RCAN2: variants seen among roughly 807,000 people sequenced by gnomAD.
RCAN2 encodes the protein regulator of calcineurin 2.
A neutral mutation model predicts 23.6 loss-of-function variants in RCAN2; 9 were observed. That is an observed-to-expected ratio of 0.38 (90% CI 0.23 to 0.67). RCAN2 has a LOEUF of 0.67. Ranked by LOEUF, RCAN2 falls within the 30% of genes least tolerant of loss-of-function variation. RCAN2 has a pLI of 0.51. For missense variants in RCAN2, 273 were observed against 302.3 expected (o/e 0.90, Z 0.72); for synonymous variants, 109 against 115.7 (o/e 0.94, Z 0.37).
chr6:46,491,008 C>T (rs1232248946), intron 1 of RCAN2, among the ~76,000 whole-genome samples, 165 bp downstream of exon 1: 1 of 119,268 alleles, frequency 8.4e-6, no homozygotes, highest in Admixed American at 8.0e-5. Context: ...ACTGCCCCCA[C>T]CCCCGCCACC....
At chr6:46,288,658 C>T (rs946626912) in intron 2 of RCAN2, among the ~76,000 whole-genome samples, 16 of 152,248 alleles carry the variant, frequency 1.1e-4, no homozygotes, top group African/African-American at 2.9e-4. Context: ...ATCCTGATCC[C>T]GTTATTTATT....
Position 46,296,329 on chromosome 6 carries a change from A to G in RCAN2, c.226-47433T>C, listed in dbSNP as rs938639505. ...GAGGGTCATTCACTAGATTATAAAG[A>G]CTTCACCAATGCAATGTCCTTTGAG... On this transcript the variant is annotated intron_variant, in intron 2 of 4. Coordinates refer to ENST00000371374, the MANE Select transcript of RCAN2 (RefSeq NM_001251974.2). Among the ~76,000 whole-genome samples, 3 of 151,418 alleles carry G rather than the reference A, an allele frequency of 2.0e-5. No homozygotes were observed. In the East Asian group the frequency reaches 5.8e-4, roughly 29 times the overall value.
In RCAN2 at chr6:46,470,986, T is replaced by C. The variant is rs1197766496; in HGVS notation, c.-2-14008A>G. On this transcript the variant is annotated intron_variant, in intron 1 of 4. Transcript: ENST00000371374. ...CCTTCAGAGTATTTATACCCACCTATCAAAACCTGTGTAGTGTGGCTCTGG... is the reference window on the plus strand; with the variant it reads ...CCTTCAGAGTATTTATACCCACCTACCAAAACCTGTGTAGTGTGGCTCTGG... 1.3e-5 allele frequency among the ~76,000 whole-genome samples: 2 copies of C among 152,194 alleles called. 1 individual carries two copies. Among genetic ancestry groups the C allele is most frequent in the African/African-American group, 4.8e-5 (2 of 41,450 alleles).
chr6:46,462,312 T>A (rs1339688357), intron 1 of RCAN2, among the ~76,000 whole-genome samples: 3 of 152,138 alleles, frequency 2.0e-5, no homozygotes, highest in Admixed American at 6.5e-5. Context: ...AACAACAAGA[T>A]GACAGTTTAT....
At chr6:46,347,836 C>T (rs9296492) in intron 2 of RCAN2, among the ~76,000 whole-genome samples, 64,173 of 152,106 alleles carry the variant, frequency 0.42, 14,979 homozygotes, top group East Asian at 0.6. Flanking sequence ...AAAGATTATT[C>T]TCACATCCGG....
chr6:46,465,133 A>G (rs1274462701), intron 1 of RCAN2, among the ~76,000 whole-genome samples: 1 of 152,196 alleles, frequency 6.6e-6, no homozygotes, highest in African/African-American at 2.4e-5. Flanking sequence ...TAATATCATC[A>G]TCAAGAAAAT....
At chr6:46,237,792 C>T (rs1320784458) in intron 4 of RCAN2, among the ~76,000 whole-genome samples, 1 of 152,176 alleles carries the variant, frequency 6.6e-6, no homozygotes, top group African/African-American at 2.4e-5. Flanking sequence ...GCAGAATGCT[C>T]ATGCTTGGAA....
intron 2 of RCAN2, among the ~76,000 whole-genome samples, chr6:46,314,551 A>G (rs891466717): frequency 6.6e-6 from 1 of 152,096 alleles, no homozygotes; most frequent in Non-Finnish European, 1.5e-5. Flanking sequence ...CAGTTGGGCA[A>G]TTAATCTAAT....
At chr6:46,433,854 G>C (rs950733426) in intron 2 of RCAN2, among the ~76,000 whole-genome samples, 2 of 152,190 alleles carry the variant, frequency 1.3e-5, no homozygotes, top group Admixed American at 1.3e-4. Flanking sequence ...AAACAAGCCT[G>C]ATTTATAGTT....
At chr6:46,262,995 T>C (rs1767164507) in intron 2 of RCAN2, among the ~76,000 whole-genome samples, 1 of 152,206 alleles carries the variant, frequency 6.6e-6, no homozygotes, top group Non-Finnish European at 1.5e-5. Flanking sequence ...ACAGTGTTGT[T>C]AGTGAGGGCA....
intron 2 of RCAN2, chr6:46,325,422 C>A (rs758142382): frequency 1.9e-6 from 3 of 1,614,106 alleles, no homozygotes; most frequent in South Asian, 1.1e-5. Flanking sequence ...AAGACCTCGA[C>A]ATCCACCACA....
intron 2 of RCAN2, among the ~76,000 whole-genome samples, chr6:46,344,939 A>T (rs1303959930): frequency 6.6e-6 from 1 of 152,062 alleles, no homozygotes; most frequent in Non-Finnish European, 1.5e-5. Flanking sequence ...AGATTAAAAT[A>T]AAAAATCTCC....
chr6:46,278,155 T>G (rs1195522687), intron 2 of RCAN2, among the ~76,000 whole-genome samples: 1 of 152,136 alleles, frequency 6.6e-6, no homozygotes, highest in African/African-American at 2.4e-5. Flanking sequence ...ATCCATGAAA[T>G]GCAGACAAGT....
chr6:46,302,432 A>T (rs144825423), intron 2 of RCAN2, among the ~76,000 whole-genome samples: 237 of 152,178 alleles, frequency 1.6e-3, no homozygotes, highest in African/African-American at 5.5e-3. Flanking sequence ...TGCTGCCCAG[A>T]TCACCAGAGT....
intron 2 of RCAN2, among the ~76,000 whole-genome samples, chr6:46,417,205 T>G (rs1766737772): frequency 6.6e-6 from 1 of 152,164 alleles, no homozygotes; most frequent in African/African-American, 2.4e-5. Context: ...TCCAACAGCT[T>G]TTCAGAAAGG....
chr6:46,248,618 T>G, intron 3 of RCAN2, 105 bp downstream of exon 3: 1 of 903,592 alleles, frequency 1.1e-6, no homozygotes, highest in Non-Finnish European at 1.6e-6. Flanking sequence ...AATTAATTTA[T>G]AGACTACCAA....
chr6:46,441,207 A>T (rs1303111238), intron 2 of RCAN2, among the ~76,000 whole-genome samples: 1 of 152,234 alleles, frequency 6.6e-6, no homozygotes, highest in Non-Finnish European at 1.5e-5. Flanking sequence ...TTAATCACAT[A>T]AGAAGCCAAT....
intron 2 of RCAN2, among the ~76,000 whole-genome samples, chr6:46,303,708 T>C (rs1762981957): frequency 6.6e-6 from 1 of 152,116 alleles, no homozygotes; most frequent in Non-Finnish European, 1.5e-5. Context: ...TATAGATTAG[T>C]TTTGCCTGTT....
At chr6:46,474,597 C>T (rs1205738055) in intron 1 of RCAN2, among the ~76,000 whole-genome samples, 1 of 152,070 alleles carries the variant, frequency 6.6e-6, no homozygotes, top group Non-Finnish European at 1.5e-5. Context: ...AAGGAAGAGA[C>T]AGGTATGGAT....
Sources: gnomAD v4.1 joint callset for allele counts (sites outside exome capture counted in the v4.1 genomes callset) on GRCh38, gnomAD v4.1.1 for gene constraint, MANE v1.5 for transcripts, NCBI Gene and HGNC (gene_info 2026-07-23, HGNC 2026-07-21) for gene names.